SRPK1: variants seen among roughly 807,000 people sequenced by gnomAD.
The protein encoded by SRPK1 is SFRS protein kinase 1.
SRPK1 carries 52 observed loss-of-function variants against 89.5 expected under a neutral mutation model. The ratio of observed to expected loss-of-function variants is 0.58; its 90% CI spans 0.46 to 0.73. SRPK1 has a LOEUF of 0.73. Among genes scored for constraint, SRPK1 ranks in the 30% least tolerant of loss-of-function variants. SRPK1 has a pLI of 0.00. For synonymous variants in SRPK1, 255 were observed against 270.2 expected (o/e 0.94, Z 0.55); for missense variants, 603 against 780.6 (o/e 0.77, Z 2.71).
In SRPK1 at chr6:35,838,444, C is replaced by T; in HGVS notation, c.1691-15G>A. ...TGCAATGTGATCTGTATATTTCAAA[C>T]ATTTCAAGAGGGGGGAAAAAAAAGA... is the stretch of plus-strand genomic sequence containing the variant. On this transcript the variant is annotated splice_polypyrimidine_tract_variant and intron_variant, in intron 14 of 15. Transcript: ENST00000373825. 1 of 1,564,456 alleles carries T rather than the reference C, an allele frequency of 6.4e-7. No individual in the cohort carries two copies. The highest frequency in any genetic ancestry group is 8.6e-7 in the Non-Finnish European group (1 of 1,162,304).
intron 15 of SRPK1, among the ~76,000 whole-genome samples, chr6:35,837,336 A>G (rs890557811): frequency 6.6e-6 from 1 of 152,354 alleles, no homozygotes; most frequent in East Asian, 1.9e-4. Flanking sequence ...TGGTAGAGGC[A>G]GTTCTTAGAC....
intron 13 of SRPK1, among the ~76,000 whole-genome samples, chr6:35,853,506 T>C (rs1769601176): frequency 6.6e-6 from 1 of 152,044 alleles, no homozygotes; most frequent in Admixed American, 6.6e-5. Context: ...CCTGAGGACA[T>C]TAAGGGATGA....
chr6:35,864,040 T>C (rs1769842229), intron 12 of SRPK1, among the ~76,000 whole-genome samples: 1 of 151,942 alleles, frequency 6.6e-6, no homozygotes, highest in South Asian at 2.1e-4. Flanking sequence ...AAAAATCAAA[T>C]CAAAATAGAT....
At position 35,836,182 on chromosome 6, in the gene SRPK1, G is replaced by A. The variant is rs535702059; in HGVS notation, c.1784-694C>T. Among the ~76,000 whole-genome samples, 229 of 152,158 alleles carry A rather than the reference G, an allele frequency of 1.5e-3. 3 individuals carry two copies. The highest frequency in any genetic ancestry group is 5.1e-3 in the African/African-American group (211 of 41,494). Reference sequence around the variant, plus strand: ...GGCTGCATTAGATTCTCACAGGAGCGTGAATCCTACTGTGAACTGCAGTAG... The same window carrying A: ...GGCTGCATTAGATTCTCACAGGAGCATGAATCCTACTGTGAACTGCAGTAG... On this transcript the variant is annotated intron_variant, in intron 15 of 15. Transcript: ENST00000373825.
intron 6 of SRPK1, among the ~76,000 whole-genome samples, chr6:35,876,127 C>T (rs1370900563): frequency 5.2e-5 from 7 of 134,808 alleles, no homozygotes; most frequent in African/African-American, 1.7e-4. Flanking sequence ...ATAAATGTTC[C>T]AAACTACGTA....
chr6:35,916,324 A>G lies in SRPK1; in HGVS notation c.74+4144T>C, dbSNP rs116502817. On this transcript the variant is annotated intron_variant, in intron 2 of 15. Transcript: ENST00000373825. ...AGGTTCTCTTTCTGTCCTGACATGGAACTATTTCTAAGACTCAGTGAAAAA... is the reference window on the plus strand; with the variant it reads ...AGGTTCTCTTTCTGTCCTGACATGGGACTATTTCTAAGACTCAGTGAAAAA... Among the ~76,000 whole-genome samples, 1,041 of 152,184 alleles carry G rather than the reference A, an allele frequency of 6.8e-3. 10 individuals carry two copies. Among genetic ancestry groups the G allele is most frequent in the Non-Finnish European group, 0.011 (762 of 68,018 alleles).
Position 35,920,525 on chromosome 6 carries a change from A to G in SRPK1, c.17T>C (p.Leu6Pro). The G allele has an allele frequency of 1.2e-6, 2 of 1,613,052 alleles. No individual in the cohort carries two copies. Among genetic ancestry groups the G allele is most frequent in the Non-Finnish European group, 1.7e-6 (2 of 1,179,308 alleles). The part of the protein sequence containing the change: MERKV[L>P]ALQARKKRTK... Reference sequence around the variant, plus strand: ...CCTTTTCTTTCGGGCCTGGAGCGCAAGCACTGCAGGAGAGAGGGATGGATG... The same window carrying G: ...CCTTTTCTTTCGGGCCTGGAGCGCAGGCACTGCAGGAGAGAGGGATGGATG... The change falls in exon 2 of 16, where the codon CTT (leucine) becomes CCT (proline). Residue 6 changes from leucine (L) to proline (P), a missense_variant. Physicochemically the swap from Leu to Pro is moderately conservative, Grantham distance 98 (BLOSUM62 -3). Coordinates refer to ENST00000373825, the MANE Select transcript of SRPK1 (RefSeq NM_003137.5).
At chr6:35,845,003 T>C (rs1034517952) in intron 13 of SRPK1, among the ~76,000 whole-genome samples, 1 of 152,114 alleles carries the variant, frequency 6.6e-6, no homozygotes, top group Non-Finnish European at 1.5e-5. Flanking sequence ...GCCGTGAAGA[T>C]ATGGAGGAAC....
intron 15 of SRPK1, among the ~76,000 whole-genome samples, chr6:35,838,092 A>C (rs1193114473): frequency 6.7e-6 from 1 of 149,844 alleles, no homozygotes; most frequent in Non-Finnish European, 1.5e-5. Flanking sequence ...CTGTTCTCAA[A>C]CTCCTGATAT....
chr6:35,840,186 A>G (rs1006741768), intron 14 of SRPK1, among the ~76,000 whole-genome samples: 7 of 152,210 alleles, frequency 4.6e-5, no homozygotes, highest in African/African-American at 1.4e-4. Context: ...TTAAACTTCC[A>G]GTTATGTATC....
At chr6:35,876,402 C>T (rs1582011712) in intron 6 of SRPK1, among the ~76,000 whole-genome samples, 1 of 152,082 alleles carries the variant, frequency 6.6e-6, no homozygotes, top group East Asian at 1.9e-4. Flanking sequence ...TTTGGGAGGC[C>T]GAGACAGATA....
chr6:35,852,056 T>C (rs894563470), intron 13 of SRPK1, among the ~76,000 whole-genome samples: 1 of 152,182 alleles, frequency 6.6e-6, no homozygotes, highest in Non-Finnish European at 1.5e-5. Context: ...TGGTGAAAGC[T>C]GAAAGCCTTC....
intron 2 of SRPK1, among the ~76,000 whole-genome samples, chr6:35,909,274 T>C (rs1770911677): frequency 6.6e-6 from 1 of 152,222 alleles, no homozygotes; most frequent in Admixed American, 6.5e-5. Flanking sequence ...TCAAAGGAGA[T>C]TATTTTGGAG....
chr6:35,842,247 C>A (rs1390426043), intron 14 of SRPK1, among the ~76,000 whole-genome samples: 1 of 151,958 alleles, frequency 6.6e-6, no homozygotes, highest in Non-Finnish European at 1.5e-5. Context: ...AAGAATGAAC[C>A]ACTGATATAT....
At chr6:35,848,795 T>C (rs1458179435) in intron 13 of SRPK1, among the ~76,000 whole-genome samples, 1 of 152,034 alleles carries the variant, frequency 6.6e-6, no homozygotes, top group Non-Finnish European at 1.5e-5. Flanking sequence ...AAAAACTGGA[T>C]ATAAAAAGAA....
intron 12 of SRPK1, among the ~76,000 whole-genome samples, chr6:35,862,576 G>A (rs1341908550): frequency 6.6e-6 from 1 of 152,124 alleles, no homozygotes; most frequent in African/African-American, 2.4e-5. Context: ...TGCAACAAAT[G>A]TGCAGATATC....
intron 2 of SRPK1, 47 bp downstream of exon 2, chr6:35,920,421 T>TG: frequency 6.2e-7 from 1 of 1,602,486 alleles, no homozygotes; most frequent in East Asian, 2.2e-5. Flanking sequence ...GCAGAGAAGG[T>TG]GCCGGAGGAA....
rs1036566113 is a variant in SRPK1 at position 35,918,613 on chromosome 6, G to A, written c.74+1855C>T. Reference sequence around the variant, plus strand: ...CACCTCTGAAGTTACAAGGAAATGGGGGCAGTTCATTCACGCATATTTTCA... The same window carrying A: ...CACCTCTGAAGTTACAAGGAAATGGAGGCAGTTCATTCACGCATATTTTCA... On this transcript the variant is annotated intron_variant, in intron 2 of 15. Coordinates refer to ENST00000373825, the MANE Select transcript of SRPK1 (RefSeq NM_003137.5). 2.0e-5 allele frequency among the ~76,000 whole-genome samples: 3 copies of A among 152,192 alleles called. No individual in the cohort carries two copies. In the East Asian group the frequency reaches 5.8e-4, roughly 29 times the overall value.
intron 8 of SRPK1, among the ~76,000 whole-genome samples, chr6:35,872,273 G>A (rs752859542): frequency 4.6e-5 from 7 of 152,198 alleles, no homozygotes; most frequent in Non-Finnish European, 1.0e-4. Flanking sequence ...AAATGAGCAT[G>A]TGTGATCACA....
Sources: allele counts gnomAD v4.1 joint callset (sites outside exome capture counted in the v4.1 genomes callset), GRCh38; gene constraint gnomAD v4.1.1; transcripts MANE v1.5; gene names NCBI Gene and HGNC (gene_info 2026-07-23, HGNC 2026-07-21).